Variants in SLC26A3 observed in about 807,000 individuals in gnomAD.
SLC26A3 encodes chloride anion exchanger.
Under a neutral mutation model 85.6 loss-of-function variants are expected in SLC26A3, and 64 were observed. The observed-to-expected ratio is 0.75, with a 90% CI of 0.61 to 0.92. The LOEUF is 0.92. SLC26A3 is among the 40% of genes least tolerant of loss of function. The probability of loss-of-function intolerance (pLI) is 0.00; values close to 1 mark genes in which losing one functional copy is unlikely to be tolerated. For missense variants in SLC26A3, 922 were observed against 927.3 expected, an observed-to-expected ratio of 0.99 and a Z score of 0.07; for synonymous variants, 349 against 336.0, an observed-to-expected ratio of 1.04 and a Z score of -0.42.
At chr7:107,799,684 C>T (rs1794570364) in intron 1 of SLC26A3, among the ~76,000 whole-genome samples, 1 of 152,116 alleles carries the variant, frequency 6.6e-6, no homozygotes, top group African/African-American at 2.4e-5. Context: ...GAGCACCCGG[C>T]CCAAGGCTTC....
At chr7:107,789,484 T>C in intron 6 of SLC26A3, 40 bp downstream of exon 6, 2 of 1,583,480 alleles carry the variant, frequency 1.3e-6, no homozygotes, top group Non-Finnish European at 1.7e-6. Context: ...GTAGTGAGTT[T>C]CATGTATTTC....
chr7:107,776,064 G>T (rs955410384), intron 15 of SLC26A3: 3 of 313,004 alleles, frequency 9.6e-6, no homozygotes, highest in African/African-American at 4.3e-5. Context: ...ATTTACAACT[G>T]TTATACTGAA....
intron 3 of SLC26A3, 75 bp downstream of exon 3, chr7:107,793,667 C>T (rs920562376): frequency 2.4e-5 from 28 of 1,175,112 alleles, no homozygotes; most frequent in African/African-American, 1.8e-4. Context: ...AGTGAATATA[C>T]GAAAAGTCCC....
At chr7:107,784,065 C>T (rs1372255732) in intron 8 of SLC26A3, among the ~76,000 whole-genome samples, 1 of 152,202 alleles carries the variant, frequency 6.6e-6, no homozygotes, top group South Asian at 2.1e-4. Flanking sequence ...TGTTCCACTC[C>T]TATAAGCATA....
chr7:107,801,951 G>C (rs989573442), intron 1 of SLC26A3, among the ~76,000 whole-genome samples: 2 of 150,118 alleles, frequency 1.3e-5, no homozygotes, highest in Admixed American at 1.3e-4. Context: ...AAAATGCCAG[G>C]CACAGTGGAG....
chr7:107,800,751 C>T (rs912190085), intron 1 of SLC26A3, among the ~76,000 whole-genome samples: 2 of 152,098 alleles, frequency 1.3e-5, no homozygotes, highest in Non-Finnish European at 2.9e-5. Context: ...GGAGAAGTGC[C>T]CAAAATAATT....
chr7:107,775,604 T>C (rs1051340971), intron 15 of SLC26A3, among the ~76,000 whole-genome samples: 1 of 151,618 alleles, frequency 6.6e-6, no homozygotes, highest in African/African-American at 2.4e-5. Context: ...TAGTGGCACA[T>C]GCCTGGAGTC....
intron 11 of SLC26A3, among the ~76,000 whole-genome samples, chr7:107,780,882 A>G (rs765544966): frequency 6.6e-6 from 1 of 152,284 alleles, no homozygotes; most frequent in South Asian, 2.1e-4. Context: ...TATAGTACTG[A>G]TATTGTACTA....
At chr7:107,774,223 T>C in intron 16 of SLC26A3, 70 bp from the exon 17 acceptor site, 1 of 1,235,346 alleles carries the variant, frequency 8.1e-7, no homozygotes, top group Non-Finnish European at 1.2e-6. Flanking sequence ...AGATAGCCAG[T>C]GAGTTTCAGA....
At chr7:107,770,035 TTTCTTTCTTTCTTTCTCTTTTC>T (rs1229748826) in intron 18 of SLC26A3, among the ~76,000 whole-genome samples, 2 of 124,046 alleles carry the variant, frequency 1.6e-5, no homozygotes, top group Admixed American at 8.0e-5. Flanking sequence ...TCTTTCTTTC[TTTCTTTCTTTCTTTCTCTTTTC>T]TTTCTTTTTC....
At chr7:107,773,487 C>T (rs1336616302) in intron 17 of SLC26A3, among the ~76,000 whole-genome samples, 1 of 152,218 alleles carries the variant, frequency 6.6e-6, no homozygotes, top group African/African-American at 2.4e-5. Flanking sequence ...CCATGGAATA[C>T]TCTAAGATTA....
At position 107,777,621 on chromosome 7, in the gene SLC26A3, A is replaced by T. The variant is rs559531704; in HGVS notation, c.1514+554T>A. On this transcript the variant is annotated intron_variant, in intron 13 of 20. Transcript: ENST00000340010. ...ACAATAAATAAATAAATAAATAAAA[A>T]TTAAAAAGATGCTTGGACTGAATGA... Among the ~76,000 whole-genome samples the T allele has an allele frequency of 1.9e-4, 29 of 152,304 alleles. No homozygotes were observed. The South Asian group carries it at 5.8e-3, about 30-fold the overall frequency.
At chr7:107,785,401 C>A (rs548239540) in intron 8 of SLC26A3, among the ~76,000 whole-genome samples, 1 of 152,274 alleles carries the variant, frequency 6.6e-6, no homozygotes, top group South Asian at 2.1e-4. Flanking sequence ...CGTTGCCACA[C>A]CCTACACACT....
chr7:107,767,978 G>A lies in SLC26A3; in HGVS notation c.2063-70C>T, dbSNP rs1793944744. ...GGCTACCGGTTTCCCCTTGAGGCTA[G>A]TAATTTCACCTTCCATTTGCAAATG... On this transcript the variant is annotated intron_variant, in intron 18 of 20. Transcript: ENST00000340010. The A allele has an allele frequency of 5.5e-6, 8 of 1,441,888 alleles. 1 individual carries two copies. Among genetic ancestry groups the A allele is most frequent in the Middle Eastern group, 3.8e-4 (2 of 5,216 alleles). 89.3% of individuals were successfully genotyped at this position (1,441,888 alleles called of 1,614,324 possible).
chr7:107,776,711 A>T lies in SLC26A3; in HGVS notation c.1515-5T>A. On this transcript the variant is annotated splice_region_variant and splice_polypyrimidine_tract_variant and intron_variant, in intron 13 of 20. Transcript: ENST00000340010. ...GCCAGCGTGCTGCATTTTGGACTGT[A>T]GGGAGAAAAACACCAAGTAAATCAT... The T allele has an allele frequency of 6.2e-7, 1 of 1,612,792 alleles. No homozygotes were observed. The highest frequency in any genetic ancestry group is 8.5e-7 in the Non-Finnish European group (1 of 1,179,530).
chr7:107,781,547 G>T (rs1283555065), intron 11 of SLC26A3, among the ~76,000 whole-genome samples: 1 of 152,172 alleles, frequency 6.6e-6, no homozygotes, highest in Non-Finnish European at 1.5e-5. Context: ...CTCTGTAGGG[G>T]TGAGTGTGTG....
At chr7:107,784,582 C>T (rs1456486532) in intron 8 of SLC26A3, among the ~76,000 whole-genome samples, 2 of 152,184 alleles carry the variant, frequency 1.3e-5, no homozygotes, top group Admixed American at 6.5e-5. Flanking sequence ...CAGGTGTGTG[C>T]CACCACGCCC....
At chr7:107,796,982 AT>A (rs1427361841) in intron 1 of SLC26A3, among the ~76,000 whole-genome samples, 5 of 151,744 alleles carry the variant, frequency 3.3e-5, no homozygotes, top group East Asian at 1.9e-4. Flanking sequence ...TTTTATTTTA[AT>A]TTTTTTTGCC....
At chr7:107,777,932 G>C (rs1247828913) in intron 13 of SLC26A3, among the ~76,000 whole-genome samples, 1 of 152,202 alleles carries the variant, frequency 6.6e-6, no homozygotes, top group South Asian at 2.1e-4. Context: ...ATTTGAACTG[G>C]AGTCAAAGCC....
Sources: gnomAD v4.1 joint callset for allele counts (sites outside exome capture counted in the v4.1 genomes callset) on GRCh38, gnomAD v4.1.1 for gene constraint, MANE v1.5 for transcripts, NCBI Gene and HGNC (gene_info 2026-07-23, HGNC 2026-07-21) for gene names.